Variants in ANO3 observed in about 807,000 individuals in gnomAD.
The protein encoded by ANO3 is anoctamin-3.
Under a neutral mutation model 144.8 loss-of-function variants are expected in ANO3, and 99 were observed. The ratio of observed to expected loss-of-function variants is 0.68; its 90% CI spans 0.58 to 0.81. The LOEUF (loss-of-function observed/expected upper bound fraction) is 0.81, where lower values mean the gene tolerates loss of function less well. Ranked by LOEUF, ANO3 falls within the 30% of genes least tolerant of loss-of-function variation. ANO3 has a pLI of 0.00. For synonymous variants in ANO3, 414 were observed against 392.6 expected (o/e 1.05, Z -0.64); for missense variants, 905 against 1,202.2 (o/e 0.75, Z 3.66).
At chr11:26,198,597 G>T (rs1851633787) in intron 1 of ANO3, among the ~76,000 whole-genome samples, 1 of 152,136 alleles carries the variant, frequency 6.6e-6, no homozygotes, top group Admixed American at 6.5e-5. Flanking sequence ...AGAACAAAGA[G>T]CATGTTATCA....
chr11:26,384,451 AG>A (rs1856670467), intron 1 of ANO3, among the ~76,000 whole-genome samples: 1 of 152,192 alleles, frequency 6.6e-6, no homozygotes, highest in Non-Finnish European at 1.5e-5. Flanking sequence ...GTAGGTACTG[AG>A]AACCTCTGAA....
At chr11:26,225,001 T>C (rs904854931) in intron 1 of ANO3, among the ~76,000 whole-genome samples, 7 of 152,210 alleles carry the variant, frequency 4.6e-5, no homozygotes, top group African/African-American at 1.7e-4. Context: ...GCATGTACTC[T>C]GTATAGTAAC....
At chr11:26,360,297 C>T (rs1315660476) in intron 1 of ANO3, among the ~76,000 whole-genome samples, 1 of 151,144 alleles carries the variant, frequency 6.6e-6, no homozygotes, top group East Asian at 2.0e-4. Flanking sequence ...TTCATGGATC[C>T]ATGGCTGAAC....
At chr11:26,232,791 T>A (rs1046865134) in intron 1 of ANO3, among the ~76,000 whole-genome samples, 1 of 152,022 alleles carries the variant, frequency 6.6e-6, no homozygotes, top group Non-Finnish European at 1.5e-5. Context: ...TGGGATCTAA[T>A]CAAACTAAAG....
chr11:26,559,214 A>G (rs1850184809), intron 13 of ANO3: 1 of 152,522 alleles, frequency 6.6e-6, no homozygotes, highest in Non-Finnish European at 1.5e-5. Flanking sequence ...GATTTATTAC[A>G]TCTTATAGCC....
At chr11:26,333,573 T>C (rs1531393) in intron 1 of ANO3, among the ~76,000 whole-genome samples, 32,566 of 152,130 alleles carry the variant, frequency 0.21, 4,342 homozygotes, top group Admixed American at 0.35. Flanking sequence ...TGAGCCACTG[T>C]ACCCGGCCCT....
intron 7 of ANO3, among the ~76,000 whole-genome samples, chr11:26,529,440 TCA>T (rs1271463395): frequency 3.4e-5 from 3 of 89,062 alleles, no homozygotes; most frequent in African/African-American, 5.5e-5. Flanking sequence ...TTATATAATA[TCA>T]TATATAATAT....
intron 17 of ANO3, among the ~76,000 whole-genome samples, chr11:26,606,524 G>C (rs908294256): frequency 2.4e-4 from 36 of 151,838 alleles, no homozygotes; most frequent in African/African-American, 8.7e-4. Flanking sequence ...ATTGACAGTG[G>C]GGTGTTAAGG....
chr11:26,445,809 GT>G (rs1361830545), intron 3 of ANO3, among the ~76,000 whole-genome samples: 1 of 151,840 alleles, frequency 6.6e-6, no homozygotes, highest in African/African-American at 2.4e-5. Flanking sequence ...ATCTATGAGT[GT>G]TTTTTATTAT....
intron 1 of ANO3, among the ~76,000 whole-genome samples, chr11:26,326,064 T>C (rs1367842842): frequency 6.6e-6 from 1 of 152,222 alleles, no homozygotes; most frequent in Non-Finnish European, 1.5e-5. Flanking sequence ...GCTGATTTTT[T>C]TCAGTTTCAA....
intron 1 of ANO3, among the ~76,000 whole-genome samples, chr11:26,204,254 C>T (rs1250227289): frequency 6.6e-6 from 1 of 152,082 alleles, no homozygotes; most frequent in East Asian, 1.9e-4. Context: ...TTGGCAGGCA[C>T]TCTTCTTAAG....
intron 4 of ANO3, among the ~76,000 whole-genome samples, chr11:26,472,230 A>G (rs1173024405): frequency 2.0e-5 from 3 of 151,848 alleles, no homozygotes; most frequent in African/African-American, 7.2e-5. Context: ...AGTCAAATCT[A>G]CCTCCTTAAT....
rs1858943599 is a variant in ANO3, at chr11:26,451,606, C to T, written c.313+7770C>T. Among the ~76,000 whole-genome samples, 3 of 152,220 alleles carry T rather than the reference C, an allele frequency of 2.0e-5. No homozygotes were observed. The South Asian group carries it at 6.2e-4, about 31-fold the overall frequency. The stretch of plus-strand genomic sequence containing the variant: ...GGAAGCTCCAACTGAGTGGAACCCA[C>T]CACAGCTCAAGGAGGCCTGCCTGCC... On this transcript the variant is annotated intron_variant, in intron 3 of 26. Coordinates refer to ENST00000256737, the MANE Select transcript of ANO3 (RefSeq NM_031418.4).
At chr11:26,491,168 G>T (rs1023238384) in intron 4 of ANO3, among the ~76,000 whole-genome samples, 3 of 152,088 alleles carry the variant, frequency 2.0e-5, no homozygotes, top group Admixed American at 1.3e-4. Context: ...TCTTACAAGG[G>T]TATTATGGAA....
chr11:26,236,926 AT>A (rs910542968), intron 1 of ANO3, among the ~76,000 whole-genome samples: 1 of 151,914 alleles, frequency 6.6e-6, no homozygotes, highest in Non-Finnish European at 1.5e-5. Context: ...GTTATAAAAG[AT>A]TTTTTTTAAT....
chr11:26,412,794 A>ATGTGTGTGTGTG (rs1857465986), intron 1 of ANO3, among the ~76,000 whole-genome samples: 1 of 35,012 alleles, frequency 2.9e-5, no homozygotes, highest in Admixed American at 3.0e-4. Context: ...AGAGAAAGGA[A>ATGTGTGTGTGTG]AGTGTGTGTG....
chr11:26,458,532 G>T (rs1303251127), intron 3 of ANO3, among the ~76,000 whole-genome samples: 1 of 152,054 alleles, frequency 6.6e-6, no homozygotes, highest in Non-Finnish European at 1.5e-5. Context: ...GTTACATTCA[G>T]AAGGAAAATT....
In ANO3 at chr11:26,561,078, C is replaced by A. The variant is rs560016592; in HGVS notation, c.1447+1299C>A. 7 of 1,610,652 alleles carry A rather than the reference C, an allele frequency of 4.3e-6. No individual in the cohort carries two copies. The South Asian group carries it at 7.7e-5, about 18-fold the overall frequency. On this transcript the variant is annotated intron_variant, in intron 14 of 26. Transcript: ENST00000256737. ...TTGCTGTTAGTTCTATACAGAAGTA[C>A]GAAGTGGAGGTATGTCATCCATAGG...
At chr11:26,293,169 T>C (rs575641599) in intron 1 of ANO3, among the ~76,000 whole-genome samples, 77 of 152,190 alleles carry the variant, frequency 5.1e-4, no homozygotes, top group Non-Finnish European at 8.2e-4. Flanking sequence ...AAATTTTTCT[T>C]CTAAATTGGC....
Sources: gnomAD v4.1 joint callset for allele counts (sites outside exome capture counted in the v4.1 genomes callset) on GRCh38, gnomAD v4.1.1 for gene constraint, MANE v1.5 for transcripts, NCBI Gene and HGNC (gene_info 2026-07-23, HGNC 2026-07-21) for gene names.